CGNL1: variants seen among roughly 807,000 people sequenced by gnomAD.
CGNL1 encodes the protein cingulin-like protein 1.
Under a neutral mutation model 141.2 loss-of-function variants are expected in CGNL1, and 132 were observed. The ratio of observed to expected loss-of-function variants is 0.93; its 90% CI spans 0.81 to 1.08. The LOEUF (loss-of-function observed/expected upper bound fraction) is 1.08. CGNL1 is among the 50% of genes least tolerant of loss of function. The pLI, the probability that CGNL1 is intolerant of heterozygous loss-of-function variation, is 0.00. For synonymous variants in CGNL1, 690 were observed against 622.1 expected (o/e 1.11, Z -1.63); for missense variants, 1,870 against 1,588.6 (o/e 1.18, Z -3.01).
chr15:57,501,859 C>T lies in CGNL1; in HGVS notation c.2404-14921C>T, dbSNP rs567353753. On this transcript the variant is annotated intron_variant, in intron 8 of 18. Transcript: ENST00000281282. ...CTGACTGCCACCGTGGATCCTGCAG[C>T]GGCACTCACAGGGGGGAAGTTCTGG... 1.6e-4 allele frequency among the ~76,000 whole-genome samples: 24 copies of T among 152,168 alleles called. No individual in the cohort carries two copies. In the South Asian group the frequency reaches 3.1e-3, roughly 20 times the overall value.
intron 8 of CGNL1, among the ~76,000 whole-genome samples, chr15:57,475,356 C>T (rs1282798258): frequency 2.0e-5 from 3 of 152,074 alleles, no homozygotes; most frequent in African/African-American, 7.2e-5. Context: ...CCTGTTACTC[C>T]GTATTAGCCA....
At chr15:57,428,544 C>G (rs1269876274) in intron 1 of CGNL1, among the ~76,000 whole-genome samples, 1 of 152,200 alleles carries the variant, frequency 6.6e-6, no homozygotes, top group Non-Finnish European at 1.5e-5. Context: ...CAAAACTAAT[C>G]TACCAGAGAA....
At chr15:57,488,711 T>G (rs2063818343) in intron 8 of CGNL1, among the ~76,000 whole-genome samples, 1 of 152,180 alleles carries the variant, frequency 6.6e-6, no homozygotes, top group Non-Finnish European at 1.5e-5. Flanking sequence ...GCACAGCTTG[T>G]GCCAAGAGTG....
intron 1 of CGNL1, among the ~76,000 whole-genome samples, chr15:57,420,047 C>T (rs1328492345): frequency 6.6e-6 from 1 of 152,284 alleles, no homozygotes; most frequent in East Asian, 1.9e-4. Flanking sequence ...TTAGTTGGCT[C>T]CTGTGTCCCT....
intron 1 of CGNL1, among the ~76,000 whole-genome samples, chr15:57,393,689 TTG>T (rs769318954): frequency 6.6e-6 from 1 of 152,088 alleles, no homozygotes; most frequent in African/African-American, 2.4e-5. Flanking sequence ...GTGCATGTGT[TTG>T]TGTGTGTGCA....
At chr15:57,514,308 C>T (rs1430470162) in intron 8 of CGNL1, among the ~76,000 whole-genome samples, 3 of 152,010 alleles carry the variant, frequency 2.0e-5, no homozygotes, top group Admixed American at 2.0e-4. Context: ...TGCACCACCA[C>T]ACCTGGCTGA....
rs149779988 is a variant in CGNL1 at position 57,516,829 on chromosome 15, C to A, written c.2453C>A (p.Ala818Glu). 1.2e-6 allele frequency: 2 copies of A among 1,614,106 alleles called. No individual in the cohort carries two copies. The highest frequency in any genetic ancestry group is 1.7e-6 in the Non-Finnish European group (2 of 1,180,026). The change falls in exon 9 of 19, where the codon GCG (alanine) becomes GAG (glutamate). Residue 818 changes from alanine to glutamate, a missense_variant. Physicochemically the swap from Ala to Glu is moderately radical, Grantham distance 107 (BLOSUM62 -1). Coordinates refer to ENST00000281282, the MANE Select transcript of CGNL1 (RefSeq NM_032866.5). ...SRSNTSEQDQ[A>E]GTEMRVKLLQ... The stretch of plus-strand genomic sequence containing the variant: ...AGCAACACTTCAGAGCAAGACCAGG[C>A]GGGGACTGAAATGCGCGTGAAGCTT...
chr15:57,546,511 C>T (rs1567181798), intron 18 of CGNL1, among the ~76,000 whole-genome samples: 1 of 152,168 alleles, frequency 6.6e-6, no homozygotes, highest in Non-Finnish European at 1.5e-5. Flanking sequence ...GAAACAGAGG[C>T]TTAGGGCAGA....
At chr15:57,494,339 G>A (rs1412406049) in intron 8 of CGNL1, among the ~76,000 whole-genome samples, 3 of 152,260 alleles carry the variant, frequency 2.0e-5, no homozygotes, top group Non-Finnish European at 4.4e-5. Context: ...GTACAGAGGT[G>A]GAGTTCTCGT....
intron 1 of CGNL1, among the ~76,000 whole-genome samples, chr15:57,418,573 C>A (rs1363506597): frequency 6.6e-6 from 1 of 152,152 alleles, no homozygotes; most frequent in Non-Finnish European, 1.5e-5. Flanking sequence ...CCCTCTAGTT[C>A]TACTCTTTGG....
In CGNL1 at chr15:57,399,545, G is replaced by GTT. The variant is rs60341384; in HGVS notation, c.-16+22991_-16+22992dup. On this transcript the variant is annotated intron_variant, in intron 1 of 18. Transcript: ENST00000281282. ...CTGAAGACCCAGGACATCTATAGTT[G>GTT]TTTTTTTTTTTTTTCCTAACAAAAT... Among the ~76,000 whole-genome samples the GTT allele has an allele frequency of 9.9e-4, 142 of 143,370 alleles. 2 individuals carry two copies. Among genetic ancestry groups the GTT allele is most frequent in the Middle Eastern group, 7.2e-3 (2 of 278 alleles). The allele number at this position is 143,370 out of a possible 152,430, so 94.1% of individuals were successfully genotyped here.
At chr15:57,418,897 A>G (rs184761051) in intron 1 of CGNL1, among the ~76,000 whole-genome samples, 1 of 150,236 alleles carries the variant, frequency 6.7e-6, no homozygotes, top group African/African-American at 2.4e-5. Context: ...TGGAGTGACC[A>G]CACTGACTGC....
chr15:57,410,024 G>A (rs1484484664), intron 1 of CGNL1, among the ~76,000 whole-genome samples: 2 of 152,202 alleles, frequency 1.3e-5, no homozygotes, highest in Non-Finnish European at 2.9e-5. Flanking sequence ...TAGCCCAGAA[G>A]GTACTTCAGC....
chr15:57,499,556 A>AT (rs1353304471), intron 8 of CGNL1, among the ~76,000 whole-genome samples: 1 of 152,074 alleles, frequency 6.6e-6, no homozygotes, highest in Non-Finnish European at 1.5e-5. Context: ...TTTTCTTATT[A>AT]TGTAACTTCT....
chr15:57,500,571 A>G (rs2064009792), intron 8 of CGNL1, among the ~76,000 whole-genome samples: 1 of 152,190 alleles, frequency 6.6e-6, no homozygotes, highest in Admixed American at 6.5e-5. Flanking sequence ...AATTAGGGCA[A>G]TCATTTATCA....
At chr15:57,547,312 C>G (rs1274338122) in intron 18 of CGNL1, 43 bp from the exon 19 acceptor site, 2 of 1,606,702 alleles carry the variant, frequency 1.2e-6, no homozygotes, top group African/African-American at 2.7e-5. Context: ...AGCTATGGGC[C>G]CCGGCCCAGG....
At chr15:57,502,982 C>T (rs962729653) in intron 8 of CGNL1, among the ~76,000 whole-genome samples, 2 of 152,174 alleles carry the variant, frequency 1.3e-5, no homozygotes, top group African/African-American at 2.4e-5. Flanking sequence ...GGTCCCAGTG[C>T]AGTTGGAATA....
At chr15:57,387,451 T>A (rs2062496141) in intron 1 of CGNL1, among the ~76,000 whole-genome samples, 1 of 152,326 alleles carries the variant, frequency 6.6e-6, no homozygotes, top group East Asian at 1.9e-4. Flanking sequence ...GTACTTCTAA[T>A]GACCCTTGAA....
Position 57,544,484 on chromosome 15 carries a change from A to T in CGNL1, c.3387A>T (p.Leu1129Phe). The T allele has an allele frequency of 6.2e-7, 1 of 1,614,100 alleles. No individual in the cohort carries two copies. The highest frequency in any genetic ancestry group is 1.3e-5 in the African/African-American group (1 of 75,062). ...CTGTGTTGTTCCAGAACAAGGACTTAAAGAGCCGGATTATCCACCTGGAAG... is the reference window on the plus strand; with the variant it reads ...CTGTGTTGTTCCAGAACAAGGACTTTAAGAGCCGGATTATCCACCTGGAAG... ...KISLERQNKD[L>F]KSRIIHLEGS... The change falls in exon 16 of 19, where the codon TTA becomes TTT. Residue 1129 changes from leucine (L) to phenylalanine (F), a missense_variant. Coordinates refer to ENST00000281282, the MANE Select transcript of CGNL1 (RefSeq NM_032866.5).
Sources: gnomAD v4.1 joint callset for allele counts (sites outside exome capture counted in the v4.1 genomes callset) on GRCh38, gnomAD v4.1.1 for gene constraint, MANE v1.5 for transcripts, NCBI Gene and HGNC (gene_info 2026-07-23, HGNC 2026-07-21) for gene names.